Variants in ERG observed in about 807,000 individuals in gnomAD.
ERG encodes ETS transcription factor ERG.
Under a neutral mutation model 55.3 loss-of-function variants are expected in ERG, and 9 were observed. That is an observed-to-expected ratio of 0.16 (90% CI 0.10 to 0.28). ERG has a LOEUF of 0.28. ERG is among the 10% of genes least tolerant of loss of function. ERG has a pLI of 1.00. For synonymous variants in ERG, 223 were observed against 237.3 expected (o/e 0.94, Z 0.55); for missense variants, 434 against 631.6 (o/e 0.69, Z 3.35).
At chr21:38,527,526 C>T (rs2059638625) in intron 2 of ERG, among the ~76,000 whole-genome samples, 1 of 152,084 alleles carries the variant, frequency 6.6e-6, no homozygotes, top group African/African-American at 2.4e-5. Flanking sequence ...GAGTTTTGAC[C>T]GCAGCTGATG....
intron 1 of ERG, among the ~76,000 whole-genome samples, chr21:38,602,262 G>A (rs1027599968): frequency 1.3e-5 from 2 of 152,028 alleles, no homozygotes; most frequent in East Asian, 1.9e-4. Flanking sequence ...GGCTAACATG[G>A]TGAAACCCCG....
intron 2 of ERG, among the ~76,000 whole-genome samples, chr21:38,433,854 G>A (rs1457371912): frequency 6.6e-6 from 1 of 152,144 alleles, no homozygotes; most frequent in Admixed American, 6.5e-5. Context: ...AGTCAGTGGA[G>A]GCAAACCCGC....
At chr21:38,445,710 G>A (rs1054851787) in intron 1 of ERG, 89 bp from the exon 2 acceptor site, 3 of 992,874 alleles carry the variant, frequency 3.0e-6, no homozygotes, top group Non-Finnish European at 4.7e-6. Flanking sequence ...CTTTCTAACT[G>A]GGACCACATT....
In ERG at chr21:38,421,691, T is replaced by C. The variant is rs559762896; in HGVS notation, c.388+1719A>G. ...TGCCAACAAGGAGTAACTTGTACAG[T>C]GCAGCTCAGTGGTGAGGTGTCCGTT... On this transcript the variant is annotated intron_variant, in intron 3 of 9. Transcript: ENST00000288319. 2.0e-5 allele frequency among the ~76,000 whole-genome samples: 3 copies of C among 152,284 alleles called. No homozygotes were observed. The East Asian group carries it at 5.8e-4, about 29-fold the overall frequency.
the ERG span, among the ~76,000 whole-genome samples, chr21:38,368,188 G>A: frequency 6.6e-6 from 1 of 152,088 alleles, no homozygotes; most frequent in East Asian, 1.9e-4. Context: ...CCCGTTGAGA[G>A]GTAATCACTA....
the ERG span, among the ~76,000 whole-genome samples, chr21:38,367,823 A>G: frequency 6.6e-6 from 1 of 152,210 alleles, no homozygotes; most frequent in Non-Finnish European, 1.5e-5. Context: ...CCTACGGTAC[A>G]GAGAGTGAAC....
chr21:38,624,093 T>C (rs975621217), intron 1 of ERG, among the ~76,000 whole-genome samples: 1 of 152,188 alleles, frequency 6.6e-6, no homozygotes, highest in East Asian at 1.9e-4. Flanking sequence ...AACCTCCTCG[T>C]GAGCCTAACC....
In ERG at chr21:38,498,399, G is replaced by T; in HGVS notation, c.-19C>A. ...TGGCCATAATGCGATCAAGTTTATT[G>T]ATCGTTAATAAATGTTAATAATAAT... On this transcript the variant is annotated 5_prime_UTR_variant, in exon 1 of 10. Transcript: ENST00000288319. This position sits in a 1 kb window ranked among gnomAD's most constrained non-coding sequence, Gnocchi z 4.6. 6.2e-7 allele frequency: 1 copy of T among 1,600,832 alleles called. No individual in the cohort carries two copies. Among genetic ancestry groups the T allele is most frequent in the South Asian group, 1.1e-5 (1 of 88,650 alleles).
intron 1 of ERG, among the ~76,000 whole-genome samples, chr21:38,603,095 T>C (rs971330825): frequency 1.3e-5 from 2 of 151,802 alleles, no homozygotes; most frequent in Admixed American, 1.3e-4. Context: ...CTCAATGACA[T>C]CAAATGGAGC....
intron 2 of ERG, among the ~76,000 whole-genome samples, chr21:38,570,390 G>A (rs1320509857): frequency 6.6e-6 from 1 of 152,176 alleles, no homozygotes; most frequent in Non-Finnish European, 1.5e-5. Flanking sequence ...TTTTATGTAT[G>A]TAAGTAGCAT....
intron 9 of ERG, among the ~76,000 whole-genome samples, chr21:38,388,063 C>G (rs951067641): frequency 3.3e-5 from 5 of 152,226 alleles, no homozygotes; most frequent in Admixed American, 3.3e-4. Context: ...GAAGACTGCA[C>G]ACTGCCACCT....
At chr21:38,602,216 A>G (rs8128265) in intron 1 of ERG, among the ~76,000 whole-genome samples, 10,870 of 152,152 alleles carry the variant, frequency 0.071, 695 homozygotes, top group African/African-American at 0.17. Flanking sequence ...AGGCTGTGGC[A>G]GGTGGATCAC....
At chr21:38,562,503 T>G (rs1180849488) in intron 2 of ERG, among the ~76,000 whole-genome samples, 2 of 152,162 alleles carry the variant, frequency 1.3e-5, no homozygotes, top group Non-Finnish European at 2.9e-5. Context: ...CTAGACCTAC[T>G]GAACTAGGAT....
intron 2 of ERG, among the ~76,000 whole-genome samples, chr21:38,431,422 A>G (rs1211476832): frequency 6.6e-6 from 1 of 152,240 alleles, no homozygotes; most frequent in East Asian, 1.9e-4. Flanking sequence ...GGTTTTAAAT[A>G]GCCATTATTC....
In ERG at chr21:38,380,563, A is replaced by G; in HGVS notation, c.*2840T>C. 9.4e-7 allele frequency: 1 copy of G among 1,065,622 alleles called. No homozygotes were observed. Among genetic ancestry groups the G allele is most frequent in the Non-Finnish European group, 1.1e-6 (1 of 879,390 alleles). 66.0% of individuals were successfully genotyped at this position (1,065,622 alleles called of 1,614,324 possible). ...TCAGGGCAAGCCAAGAGACAGGGAC[A>G]AACAGAGAGAAAAGGTTCATGCAAT... On this transcript the variant is annotated 3_prime_UTR_variant, in exon 10 of 10. Coordinates refer to ENST00000288319, the MANE Select transcript of ERG (RefSeq NM_182918.4).
intron 1 of ERG, among the ~76,000 whole-genome samples, chr21:38,482,720 C>G (rs564454203): frequency 6.6e-6 from 1 of 151,902 alleles, no homozygotes; most frequent in Non-Finnish European, 1.5e-5. Flanking sequence ...GTCTGTTGCC[C>G]AGGCTGGAGT....
At chr21:38,579,733 C>T (rs1022159268) in intron 1 of ERG, among the ~76,000 whole-genome samples, 2 of 152,182 alleles carry the variant, frequency 1.3e-5, no homozygotes, top group South Asian at 2.1e-4. Flanking sequence ...CCCTCCACAC[C>T]AGCTCAGCGA....
chr21:38,434,205 A>G (rs979715), intron 2 of ERG, among the ~76,000 whole-genome samples: 61,867 of 152,004 alleles, frequency 0.41, 12,961 homozygotes, highest in East Asian at 0.63. Flanking sequence ...CAGGTACTGG[A>G]GTTATATCAG....
Position 38,443,477 on chromosome 21 carries a change from A to G in ERG, c.236+1927T>C, listed in dbSNP as rs577550907. On this transcript the variant is annotated intron_variant, in intron 2 of 9. Coordinates refer to ENST00000288319, the MANE Select transcript of ERG (RefSeq NM_182918.4). The stretch of plus-strand genomic sequence containing the variant: ...ATCACGCTGGCATATATGGGATCAT[A>G]TGACCCCACCCAAAACAGAATTCAT... Among the ~76,000 whole-genome samples, 3 of 152,310 alleles carry G rather than the reference A, an allele frequency of 2.0e-5. No individual in the cohort carries two copies. The South Asian group carries it at 6.2e-4, about 32-fold the overall frequency.
Sources: gnomAD v4.1 joint callset for allele counts (sites outside exome capture counted in the v4.1 genomes callset) on GRCh38, gnomAD v4.1.1 for gene constraint, Gnocchi (gnomAD v3.1) non-coding constraint, MANE v1.5 for transcripts, NCBI Gene and HGNC (gene_info 2026-07-23, HGNC 2026-07-21) for gene names.